The following DNAH17 variants were observed in gnomAD, a reference collection of about 807,000 sequenced individuals.
DNAH17 encodes the protein axonemal beta dynein heavy chain 17.
A neutral mutation model predicts 485.6 loss-of-function variants in DNAH17; 376 were observed. The observed-to-expected ratio is 0.77, with a 90% CI of 0.71 to 0.84. DNAH17 has a LOEUF of 0.84. Ranked by LOEUF, DNAH17 falls within the 40% of genes least tolerant of loss-of-function variation. DNAH17 has a pLI of 0.00. For synonymous variants in DNAH17, 3,031 were observed against 2,405.9 expected (o/e 1.26, Z -7.60); for missense variants, 6,370 against 5,839.3 (o/e 1.09, Z -2.96).
chr17:78,566,446 C>T lies in DNAH17; in HGVS notation c.1569+168G>A, dbSNP rs1232598880. 9.2e-5 allele frequency among the ~76,000 whole-genome samples: 14 copies of T among 152,174 alleles called. 1 individual carries two copies. The highest frequency in any genetic ancestry group is 2.9e-5 in the Non-Finnish European group (2 of 68,032). ...GCAGTAAGAACCATCAGGAGCTACACTGGGTGTTCACGGCTGACTGACTCT... is the reference window on the plus strand; with the variant it reads ...GCAGTAAGAACCATCAGGAGCTACATTGGGTGTTCACGGCTGACTGACTCT... On this transcript the variant is annotated intron_variant, in intron 11 of 80. Transcript: ENST00000389840.
At position 78,449,590 on chromosome 17, in the gene DNAH17, G is replaced by A; in HGVS notation, c.11041-6C>T. 6.3e-7 allele frequency: 1 copy of A among 1,580,616 alleles called. No homozygotes were observed. Among genetic ancestry groups the A allele is most frequent in the Non-Finnish European group, 8.6e-7 (1 of 1,161,440 alleles). ...TCAAACACCACGTTGAAGGCCTGGG[G>A]ATCCGCCACCGAGAGCCATGGAGGC... On this transcript the variant is annotated splice_region_variant and splice_polypyrimidine_tract_variant and intron_variant, in intron 68 of 80. Coordinates refer to ENST00000389840, the MANE Select transcript of DNAH17 (RefSeq NM_173628.4).
intron 30 of DNAH17, among the ~76,000 whole-genome samples, chr17:78,506,133 CTAGTT>C (rs67809504): frequency 0.2 from 28,042 of 139,894 alleles, 2,797 homozygotes; most frequent in East Asian, 0.29. Context: ...TTCCCTTCAC[CTAGTT>C]AATTTTTTTT....
At chr17:78,476,079 AC>A (rs2089002457) in intron 52 of DNAH17, among the ~76,000 whole-genome samples, 1 of 152,124 alleles carries the variant, frequency 6.6e-6, no homozygotes, top group South Asian at 2.1e-4. Context: ...AAATGATTCC[AC>A]CAAGAACACA....
chr17:78,526,516 A>G (rs2091078223), intron 24 of DNAH17, 135 bp downstream of exon 24: 1 of 699,734 alleles, frequency 1.4e-6, no homozygotes, highest in Non-Finnish European at 2.4e-6. Context: ...GCATACACAT[A>G]AGAGCACTCG....
chr17:78,473,334 G>A (rs1486156327), intron 54 of DNAH17, among the ~76,000 whole-genome samples: 3 of 152,072 alleles, frequency 2.0e-5, no homozygotes, highest in Non-Finnish European at 4.4e-5. Context: ...CACGAGGTCA[G>A]GAGATTGAGA....
intron 51 of DNAH17, among the ~76,000 whole-genome samples, chr17:78,478,328 CATT>C (rs1018430439): frequency 6.7e-6 from 1 of 149,158 alleles, no homozygotes; most frequent in Non-Finnish European, 1.5e-5. Flanking sequence ...CCACCACCAC[CATT>C]ATCACCATCA....
At chr17:78,544,984 T>C (rs74494600) in intron 16 of DNAH17, among the ~76,000 whole-genome samples, 13,509 of 152,090 alleles carry the variant, frequency 0.089, 750 homozygotes, top group South Asian at 0.17. Context: ...CATATCTCCC[T>C]ATCCTCCATC....
intron 74 of DNAH17, 123 bp downstream of exon 74, chr17:78,437,518 G>A (rs925597125): frequency 6.2e-6 from 4 of 647,398 alleles, no homozygotes; most frequent in Non-Finnish European, 1.0e-5. Context: ...GTGGACAGGG[G>A]AAGCCCAGAG....
intron 11 of DNAH17, among the ~76,000 whole-genome samples, chr17:78,562,394 G>T (rs948194307): frequency 2.6e-5 from 4 of 151,760 alleles, no homozygotes; most frequent in Admixed American, 1.3e-4. Flanking sequence ...GACCAGCCTG[G>T]GCAACACAGC....
chr17:78,551,438 T>C, intron 16 of DNAH17, 97 bp downstream of exon 16: 2 of 1,094,808 alleles, frequency 1.8e-6, no homozygotes, highest in Non-Finnish European at 2.7e-6. Context: ...ACCCCACACA[T>C]CGCAGCACTT....
At chr17:78,554,143 A>C (rs2091968513) in intron 14 of DNAH17, among the ~76,000 whole-genome samples, 1 of 152,152 alleles carries the variant, frequency 6.6e-6, no homozygotes. Context: ...ATCTGCAGAG[A>C]AACTATTCAA....
intron 31 of DNAH17, 41 bp downstream of exon 31, chr17:78,505,252 C>G (rs1337637211): frequency 6.2e-7 from 1 of 1,611,672 alleles, no homozygotes; most frequent in East Asian, 2.2e-5. Context: ...CGTGCTGCAC[C>G]CTTGTCCTGG....
intron 13 of DNAH17, 72 bp downstream of exon 13, chr17:78,560,668 T>C: frequency 6.9e-7 from 1 of 1,446,578 alleles, no homozygotes. Flanking sequence ...AAATCCGTGC[T>C]GAGGGAACCT....
chr17:78,440,922 C>T, intron 72 of DNAH17, 129 bp downstream of exon 72: 1 of 1,125,810 alleles, frequency 8.9e-7, no homozygotes, highest in Non-Finnish European at 1.3e-6. Context: ...TCATTGCCAT[C>T]CTACCGGCGT....
chr17:78,539,382 G>A (rs2091461787), intron 18 of DNAH17, among the ~76,000 whole-genome samples: 1 of 152,220 alleles, frequency 6.6e-6, no homozygotes, highest in Non-Finnish European at 1.5e-5. Context: ...GTGAGTGGCT[G>A]TTGTTGCTGA....
intron 79 of DNAH17, among the ~76,000 whole-genome samples, chr17:78,425,787 ATGAAG>A (rs1272381271): frequency 9.9e-6 from 1 of 100,564 alleles, no homozygotes; most frequent in Non-Finnish European, 1.9e-5. Flanking sequence ...TTTTTTTGAG[ATGAAG>A]TATCGCTCTG....
chr17:78,549,416 T>C (rs1009417907), intron 16 of DNAH17, among the ~76,000 whole-genome samples: 5 of 152,186 alleles, frequency 3.3e-5, no homozygotes, highest in Non-Finnish European at 7.4e-5. Flanking sequence ...CCCAAGTGTT[T>C]GCCTTCCCTC....
Position 78,461,678 on chromosome 17 carries a change from G to T in DNAH17, c.9205C>A (p.Gln3069Lys). 6.2e-7 allele frequency: 1 copy of T among 1,610,610 alleles called. No individual in the cohort carries two copies. The highest frequency in any genetic ancestry group is 1.1e-5 in the South Asian group (1 of 90,468). ...TTCTTCTGCTTGAGCTCAGCCTCCT[G>T]AATCGCCAACTTGGCTTTCAAATCA... ...VDDLKAKLAI[Q>K]EAELKQKNES... Residue 3069 changes from glutamine to lysine, a missense_variant, in exon 58 of 81, where the codon CAG (glutamine) becomes AAG (lysine). Coordinates refer to ENST00000389840, the MANE Select transcript of DNAH17 (RefSeq NM_173628.4).
At chr17:78,512,576 C>G (rs543061445) in intron 26 of DNAH17, among the ~76,000 whole-genome samples, 1 of 81,350 alleles carries the variant, frequency 1.2e-5, no homozygotes, top group African/African-American at 3.8e-5. Context: ...CTGTCCTCCC[C>G]CTATTTGCCT....
Sources: gnomAD v4.1 joint callset for allele counts (sites outside exome capture counted in the v4.1 genomes callset) on GRCh38, gnomAD v4.1.1 for gene constraint, MANE v1.5 for transcripts, NCBI Gene and HGNC (gene_info 2026-07-23, HGNC 2026-07-21) for gene names.